GPR107: variants seen among roughly 807,000 people sequenced by gnomAD.
GPR107 encodes the protein G protein-coupled receptor 107.
In GPR107, 31 loss-of-function variants were observed where a neutral mutation model predicts 75.5. That is an observed-to-expected ratio of 0.41 (90% CI 0.31 to 0.55). The LOEUF (loss-of-function observed/expected upper bound fraction) is 0.55. Ranked by LOEUF, GPR107 falls within the 20% of genes least tolerant of loss-of-function variation. GPR107 has a pLI of 0.26. For synonymous variants in GPR107, 267 were observed against 251.3 expected (o/e 1.06, Z -0.59); for missense variants, 572 against 665.7 (o/e 0.86, Z 1.55).
At chr9:130,073,763 T>C (rs953765379) in intron 1 of GPR107, among the ~76,000 whole-genome samples, 6 of 152,080 alleles carry the variant, frequency 3.9e-5, no homozygotes, top group Non-Finnish European at 5.9e-5. Flanking sequence ...TTGTTTGTTG[T>C]TGTTGTTTTT....
intron 8 of GPR107, among the ~76,000 whole-genome samples, chr9:130,091,480 C>T (rs542804573): frequency 7.1e-6 from 1 of 141,060 alleles, no homozygotes; most frequent in Non-Finnish European, 1.5e-5. Flanking sequence ...GACCCTGTCT[C>T]AAATTAAAAA....
Position 130,135,240 on chromosome 9 carries a change from G to A in GPR107, c.*119G>A, listed in dbSNP as rs1364405460. ...TGGCACCACCGACAGTGACACCAGG[G>A]CACATGGCTGGAGCACAGTGCCGCG... On this transcript the variant is annotated 3_prime_UTR_variant, in exon 18 of 18. Transcript: ENST00000347136. The A allele has an allele frequency of 6.7e-6, 4 of 599,696 alleles. No individual in the cohort carries two copies. The highest frequency in any genetic ancestry group is 8.8e-6 in the Non-Finnish European group (3 of 341,406). The allele number at this position is 599,696 out of a possible 1,614,324, so 37.1% of individuals were successfully genotyped here.
intron 15 of GPR107, 51 bp from the exon 16 acceptor site, chr9:130,127,432 G>A (rs776139500): frequency 1.1e-6 from 1 of 936,350 alleles, no homozygotes; most frequent in Non-Finnish European, 1.8e-6. Flanking sequence ...TTAAAGTGGT[G>A]TCCTAATTTT....
chr9:130,126,989 C>T (rs936272941), intron 15 of GPR107, among the ~76,000 whole-genome samples: 2 of 152,184 alleles, frequency 1.3e-5, no homozygotes, highest in Non-Finnish European at 2.9e-5. Context: ...TGAAGGCATC[C>T]TGTCTTGCTA....
rs760526283 is a variant in GPR107 at position 130,103,371 on chromosome 9, T to C, written c.1132-1049T>C. Among the ~76,000 whole-genome samples, 1 of 152,168 alleles carries C rather than the reference T, an allele frequency of 6.6e-6. No homozygotes were observed. Among genetic ancestry groups the C allele is most frequent in the African/African-American group, 2.4e-5 (1 of 41,438 alleles). On this transcript the variant is annotated intron_variant, in intron 12 of 17. Transcript: ENST00000347136. This position sits in a 1 kb window ranked among gnomAD's most constrained non-coding sequence, Gnocchi z 4.3. ...CTTTTACAGCAAGTCAGGCAGAGAT[T>C]TGGGACCAGGGACTTCTCATGGGGT... is the stretch of plus-strand genomic sequence containing the variant.
intron 1 of GPR107, among the ~76,000 whole-genome samples, chr9:130,061,156 C>T (rs147023000): frequency 1.3e-5 from 2 of 152,320 alleles, no homozygotes; most frequent in East Asian, 3.9e-4. Flanking sequence ...CACTTCTAGA[C>T]ACAGGCTGAG....
At chr9:130,091,864 T>G (rs1226756886) in intron 8 of GPR107, among the ~76,000 whole-genome samples, 1 of 151,834 alleles carries the variant, frequency 6.6e-6, no homozygotes, top group Non-Finnish European at 1.5e-5. Flanking sequence ...CCTGGCTAAT[T>G]TTTGTGTTTT....
chr9:130,130,531 C>G (rs1355302524), intron 17 of GPR107, among the ~76,000 whole-genome samples: 1 of 152,166 alleles, frequency 6.6e-6, no homozygotes, highest in Non-Finnish European at 1.5e-5. Flanking sequence ...GTCTCTTCAC[C>G]AGGTCTCCCC....
intron 1 of GPR107, among the ~76,000 whole-genome samples, chr9:130,057,103 G>A (rs1564655428): frequency 6.6e-6 from 1 of 151,948 alleles, no homozygotes; most frequent in Non-Finnish European, 1.5e-5. Context: ...TGTTTTGCTT[G>A]AGACTGAGTG....
At chr9:130,071,540 T>C (rs1029828684) in intron 1 of GPR107, among the ~76,000 whole-genome samples, 1 of 152,252 alleles carries the variant, frequency 6.6e-6, no homozygotes, top group East Asian at 1.9e-4. Context: ...ACCGTGGGGC[T>C]GCTTCTCTTA....
At chr9:130,069,137 A>G (rs969929410) in intron 1 of GPR107, among the ~76,000 whole-genome samples, 2 of 152,204 alleles carry the variant, frequency 1.3e-5, no homozygotes, top group Admixed American at 6.5e-5. Flanking sequence ...CCTGCCATCT[A>G]CTAGCCTAAT....
Position 130,127,527 on chromosome 9 carries a change from C to G in GPR107, c.1401C>G (p.Leu467=), listed in dbSNP as rs143281024. ...TCACTAGGATCATTGCATTTCTCCT[C>G]AAACTCGCTGTTCCATTCCAGTGGA... ...IYFTRIIAFL[L]KLAVPFQWKW... The change falls in exon 16 of 18, where the codon CTC becomes CTG. Residue 467 remains leucine (L), a synonymous_variant. Transcript: ENST00000347136. 1.2e-5 allele frequency: 19 copies of G among 1,604,134 alleles called. No individual in the cohort carries two copies. The highest frequency in any genetic ancestry group is 1.5e-5 in the Non-Finnish European group (18 of 1,170,982).
chr9:130,107,576 T>A, intron 14 of GPR107, 37 bp downstream of exon 14: 1 of 1,394,860 alleles, frequency 7.2e-7, no homozygotes, highest in Non-Finnish European at 1.0e-6. Context: ...TTGCTCAGCT[T>A]GCTCTGAACC....
chr9:130,068,345 C>CTT (rs11386028), intron 1 of GPR107, among the ~76,000 whole-genome samples: 19 of 150,896 alleles, frequency 1.3e-4, no homozygotes, highest in African/African-American at 4.6e-4. Flanking sequence ...GATCTTGTGG[C>CTT]TTTTTTTTTC....
chr9:130,121,445 T>C (rs1440671415), intron 14 of GPR107, among the ~76,000 whole-genome samples: 1 of 152,238 alleles, frequency 6.6e-6, no homozygotes, highest in Non-Finnish European at 1.5e-5. Context: ...AAGCTTGCTT[T>C]AGAGGTTCCC....
At chr9:130,131,400 C>A (rs967250310) in intron 17 of GPR107, among the ~76,000 whole-genome samples, 3 of 152,096 alleles carry the variant, frequency 2.0e-5, no homozygotes, top group Non-Finnish European at 4.4e-5. Flanking sequence ...TCTTCCTCTC[C>A]TTGAGTTCAC....
chr9:130,092,820 C>T (rs576871837), intron 9 of GPR107, among the ~76,000 whole-genome samples: 24 of 152,222 alleles, frequency 1.6e-4, no homozygotes, highest in East Asian at 1.5e-3. Flanking sequence ...GGGGTTTCAC[C>T]GTGTTAGCCA....
At chr9:130,088,688 T>C (rs1830668246) in intron 7 of GPR107, among the ~76,000 whole-genome samples, 1 of 152,144 alleles carries the variant, frequency 6.6e-6, no homozygotes, top group Non-Finnish European at 1.5e-5. Flanking sequence ...CTTTTACCAA[T>C]GAGAAACTGT....
chr9:130,054,223 G>A (rs1829670310), intron 1 of GPR107, 150 bp downstream of exon 1: 4 of 798,006 alleles, frequency 5.0e-6, no homozygotes, highest in Non-Finnish European at 7.7e-6. Context: ...CGGGGTCTGT[G>A]GGGAAGGCGG....
Sources: allele counts gnomAD v4.1 joint callset (sites outside exome capture counted in the v4.1 genomes callset), GRCh38; gene constraint gnomAD v4.1.1; non-coding constraint Gnocchi (gnomAD v3.1); transcripts MANE v1.5; gene names NCBI Gene and HGNC (gene_info 2026-07-23, HGNC 2026-07-21).